Variants in FRYL observed in about 807,000 individuals in gnomAD.
FRYL encodes the protein protein furry homolog-like.
A neutral mutation model predicts 351.2 loss-of-function variants in FRYL; 150 were observed. The ratio of observed to expected loss-of-function variants is 0.43; its 90% CI spans 0.37 to 0.49. The LOEUF (loss-of-function observed/expected upper bound fraction) is 0.49. FRYL is among the 20% of genes least tolerant of loss of function. The pLI, the probability that FRYL is intolerant of heterozygous loss-of-function variation, is 0.00. For missense variants in FRYL, 3,036 were observed against 3,619.3 expected (o/e 0.84, Z 4.13); for synonymous variants, 1,153 against 1,257.1 (o/e 0.92, Z 1.75).
chr4:48,570,084 G>A (rs1456978546), intron 27 of FRYL, among the ~76,000 whole-genome samples: 4 of 152,162 alleles, frequency 2.6e-5, no homozygotes, highest in African/African-American at 9.7e-5. Context: ...AAAATGCTGG[G>A]ATTACAGGCG....
intron 31 of FRYL, 109 bp from the exon 32 acceptor site, chr4:48,563,097 G>C (rs1735878203): frequency 1.5e-6 from 1 of 653,924 alleles, no homozygotes; most frequent in Admixed American, 2.7e-5. Context: ...TATCTTCTAA[G>C]CCTATGAGGA....
intron 3 of FRYL, among the ~76,000 whole-genome samples, chr4:48,683,469 G>A (rs1303612382): frequency 6.7e-6 from 1 of 149,748 alleles, no homozygotes; most frequent in South Asian, 2.1e-4. Flanking sequence ...GAATTACTTC[G>A]TTTTTAATTC....
chr4:48,727,430 C>A (rs181936792), intron 1 of FRYL: 1 of 152,216 alleles, frequency 6.6e-6, no homozygotes, highest in Non-Finnish European at 1.5e-5. Flanking sequence ...TCACAACTTA[C>A]CATAGTAGAA....
At chr4:48,711,472 A>G (rs1295664747) in intron 1 of FRYL, among the ~76,000 whole-genome samples, 1 of 152,256 alleles carries the variant, frequency 6.6e-6, no homozygotes, top group Non-Finnish European at 1.5e-5. Flanking sequence ...CTAGCACAGC[A>G]GTCTGAGATC....
chr4:48,707,616 T>C (rs1245697463), intron 2 of FRYL, among the ~76,000 whole-genome samples: 1 of 150,804 alleles, frequency 6.6e-6, no homozygotes, highest in Non-Finnish European at 1.5e-5. Flanking sequence ...AAAAAAAAAA[T>C]CCTGAAATAA....
rs373736985 is a variant in FRYL, at chr4:48,557,619, T to C, written c.3959A>G (p.Asp1320Gly). 39 of 1,614,196 alleles carry C rather than the reference T, an allele frequency of 2.4e-5. No individual in the cohort carries two copies. The highest frequency in any genetic ancestry group is 1.6e-4 in the Middle Eastern group (1 of 6,062). ...CCTTGCTGTGGGGAGAGGTTTTAAGTCCACCAGCTCGATGTTGTTCATCCA... is the reference window on the plus strand; with the variant it reads ...CCTTGCTGTGGGGAGAGGTTTTAAGCCCACCAGCTCGATGTTGTTCATCCA... Reference protein sequence around the residue: ...LPWMNNIELVDLKPLPTARRH... With the variant: ...LPWMNNIELVGLKPLPTARRH... The change falls in exon 34 of 64, where the codon GAC (aspartate) becomes GGC (glycine). Residue 1320 changes from aspartate (D) to glycine (G), a missense_variant. Asp to Gly is a moderately conservative substitution (Grantham distance 94). Around this residue, in one of 7 missense-constraint regions of FRYL, gnomAD observed 1,987 missense variants for 2,311.7 expected, o/e 0.86. Transcript: ENST00000358350.
chr4:48,773,688 G>A (rs901585155), intron 1 of FRYL, among the ~76,000 whole-genome samples: 33 of 152,186 alleles, frequency 2.2e-4, no homozygotes, highest in African/African-American at 8.0e-4. Flanking sequence ...CACTTTGGGA[G>A]GCCAAGGCAG....
Position 48,580,888 on chromosome 4 carries a change from T to C in FRYL, c.2236A>G (p.Ile746Val). 1.9e-6 allele frequency: 3 copies of C among 1,610,936 alleles called. No individual in the cohort carries two copies. In the Admixed American group the frequency reaches 5.0e-5, roughly 27 times the overall value. Residue 746 changes from isoleucine to valine, a missense_variant, in exon 22 of 64, where the codon ATA becomes GTA. This residue lies in a region of FRYL where 492 missense variants were observed against 551.5 expected (regional missense o/e 0.89). Transcript: ENST00000358350. ...RLSPSILESFIHLTGADQTTL... is the reference protein window; with the variant it reads ...RLSPSILESFVHLTGADQTTL... Reference sequence around the variant, plus strand: ...ACCTGATCAGCCCCAGTGAGATGTATGAAGCTCTCAAGAATGGATGGGCTT... The same window carrying C: ...ACCTGATCAGCCCCAGTGAGATGTACGAAGCTCTCAAGAATGGATGGGCTT...
intron 1 of FRYL, among the ~76,000 whole-genome samples, chr4:48,744,743 C>A (rs1772478396): frequency 6.6e-6 from 1 of 152,174 alleles, no homozygotes; most frequent in Non-Finnish European, 1.5e-5. Context: ...AGTCAAATCA[C>A]AGGAATCATT....
chr4:48,759,521 T>C (rs1476854459), intron 1 of FRYL, among the ~76,000 whole-genome samples: 1 of 152,224 alleles, frequency 6.6e-6, no homozygotes, highest in Non-Finnish European at 1.5e-5. Flanking sequence ...GTCTCACAGC[T>C]AAATTCAAGA....
intron 1 of FRYL, among the ~76,000 whole-genome samples, chr4:48,764,258 G>A (rs1248340814): frequency 6.6e-6 from 1 of 152,074 alleles, no homozygotes; most frequent in African/African-American, 2.4e-5. Context: ...GCCAGGCACC[G>A]TGGCTCACAC....
rs771523276 is a variant in FRYL at position 48,515,238 on chromosome 4, G to A, written c.7727C>T (p.Thr2576Ile). 7.5e-6 allele frequency: 12 copies of A among 1,610,172 alleles called. No homozygotes were observed. The highest frequency in any genetic ancestry group is 1.6e-4 in the Middle Eastern group (1 of 6,076). ...TATATAGGATCCTTCATCTTCAAAG[G>A]TTGTAACATGTTCCTCCTTTAATAC... ...TSVLKEEHVT[T>I]FEDEGSYIIQ... Residue 2576 changes from threonine (T) to isoleucine (I), a missense_variant, in exon 56 of 64, where the codon ACC becomes ATC. This residue lies in a region of FRYL where 1,987 missense variants were observed against 2,311.7 expected (regional missense o/e 0.86). Transcript: ENST00000358350.
At position 48,570,868 on chromosome 4, in the gene FRYL, T is replaced by G; in HGVS notation, c.2955A>C (p.Arg985=). The G allele has an allele frequency of 6.2e-7, 1 of 1,614,008 alleles. No homozygotes were observed. Among genetic ancestry groups the G allele is most frequent in the Non-Finnish European group, 8.5e-7 (1 of 1,179,866 alleles). Residue 985 remains arginine, a synonymous_variant, in exon 27 of 64, where the codon CGA becomes CGC. Transcript: ENST00000358350. ...RRDILRVQLV[R]IFELLADAGV... ...CAGCATCTGCCAGCAGTTCAAATAT[T>G]CGTACCAGTTGTACTCGTAAAATGT...
chr4:48,691,302 G>A (rs1765654176), intron 2 of FRYL, among the ~76,000 whole-genome samples: 1 of 152,000 alleles, frequency 6.6e-6, no homozygotes, highest in East Asian at 1.9e-4. Context: ...TTATTCCTAT[G>A]AGCAGAATAT....
Position 48,540,583 on chromosome 4 carries a change from G to A in FRYL, c.6065C>T (p.Ala2022Val). The A allele has an allele frequency of 6.2e-7, 1 of 1,613,986 alleles. No individual in the cohort carries two copies. Among genetic ancestry groups the A allele is most frequent in the Non-Finnish European group, 8.5e-7 (1 of 1,179,944 alleles). The change falls in exon 46 of 64, where the codon GCT (alanine) becomes GTT (valine). Residue 2022 changes from alanine (A) to valine (V), a missense_variant. This residue lies in a region of FRYL where 1,987 missense variants were observed against 2,311.7 expected (regional missense o/e 0.86). Coordinates refer to ENST00000358350, the MANE Select transcript of FRYL (RefSeq NM_015030.2). Reference protein sequence around the residue: ...ESDYEYEYLLALRLLNKLLIH... With the variant: ...ESDYEYEYLLVLRLLNKLLIH... ...AAGCAGTTTGTTGAGAAGCCTGAGA[G>A]CCAGGAGGTATTCATATTCATAATC...
chr4:48,638,445 A>T (rs1287404048), intron 3 of FRYL: 1 of 152,212 alleles, frequency 6.6e-6, no homozygotes, highest in African/African-American at 2.4e-5. Context: ...ATCATTAAAA[A>T]GTCAGGAAAC....
At chr4:48,678,810 G>C (rs941573888) in intron 3 of FRYL, among the ~76,000 whole-genome samples, 2 of 151,914 alleles carry the variant, frequency 1.3e-5, no homozygotes, top group African/African-American at 2.4e-5. Context: ...TTTTGATCTT[G>C]ACTAGTAAAA....
At chr4:48,746,407 T>C (rs930369044) in intron 1 of FRYL, among the ~76,000 whole-genome samples, 2 of 151,704 alleles carry the variant, frequency 1.3e-5, no homozygotes, top group African/African-American at 4.8e-5. Flanking sequence ...TAGCCGGGCA[T>C]GGTGGCGGGT....
intron 22 of FRYL, 148 bp from the exon 23 acceptor site, chr4:48,579,389 T>G: frequency 1.6e-6 from 1 of 608,416 alleles, no homozygotes. Flanking sequence ...GAGTAGAGAA[T>G]TCCTGAAACT....
Sources: allele counts gnomAD v4.1 joint callset (sites outside exome capture counted in the v4.1 genomes callset), GRCh38; gene constraint gnomAD v4.1.1; regional missense constraint gnomAD v4.1.1; transcripts MANE v1.5; gene names NCBI Gene and HGNC (gene_info 2026-07-23, HGNC 2026-07-21).